The following PHLDB2 variants were observed in gnomAD, a reference collection of about 807,000 sequenced individuals.
PHLDB2 encodes the protein pleckstrin homology like domain family B member 2, also known as pleckstrin homology-like domain family B member 2.
A neutral mutation model predicts 123.6 loss-of-function variants in PHLDB2; 71 were observed. That is an observed-to-expected ratio of 0.57 (90% confidence interval 0.47 to 0.70). PHLDB2 has a LOEUF of 0.70. Among genes scored for constraint, PHLDB2 ranks in the 30% least tolerant of loss-of-function variants. PHLDB2 has a pLI of 0.00. For synonymous variants in PHLDB2, 547 were observed against 541.6 expected (o/e 1.01, Z -0.14); for missense variants, 1,446 against 1,519.5 (o/e 0.95, Z 0.80).
Position 111,815,914 on chromosome 3 carries a change from G to A in PHLDB2, c.-48-29907G>A, listed in dbSNP as rs932594501. Among the ~76,000 whole-genome samples the A allele has an allele frequency of 2.0e-5, 3 of 152,172 alleles. No individual in the cohort carries two copies. The South Asian group carries it at 6.2e-4, about 31-fold the overall frequency. ...TGGGTTGGGCCCAGGGTCCCATGCT[G>A]TATGCAGCCTAGGGACTTGGTGCCC... On this transcript the variant is annotated intron_variant, in intron 1 of 17. Coordinates refer to the PHLDB2 transcript ENST00000393923.
chr3:111,734,157 C>G (rs560126712), intron 1 of PHLDB2, among the ~76,000 whole-genome samples: 6 of 152,154 alleles, frequency 3.9e-5, no homozygotes, highest in African/African-American at 1.2e-4. Context: ...AAAACTGATA[C>G]GTTTCTGTGA....
chr3:111,962,179 T>C lies in PHLDB2; in HGVS notation c.2944T>C (p.Ser982Pro). Residue 982 changes from serine to proline, a missense_variant, in exon 13 of 18, where the codon TCA becomes CCA. Around this residue, in one of 3 missense-constraint regions of PHLDB2, gnomAD observed 594 missense variants for 646.0 expected, o/e 0.92. Transcript: ENST00000431670. The part of the protein sequence containing the change: ...SEFYNRTASE[S>P]NVYLNSFHYP... ...ATTTTATAACCGCACAGCATCTGAA[T>C]CAAATGTCTACTTGAATAGTTTCCA... 1 of 1,584,628 alleles carries C rather than the reference T, an allele frequency of 6.3e-7. No homozygotes were observed. The highest frequency in any genetic ancestry group is 1.2e-5 in the South Asian group (1 of 85,630).
intron 1 of PHLDB2, among the ~76,000 whole-genome samples, chr3:111,844,506 G>A (rs892293167): frequency 2.0e-5 from 3 of 152,078 alleles, no homozygotes; most frequent in Non-Finnish European, 4.4e-5. Flanking sequence ...GGCTTGATGC[G>A]TTGTACCTCT....
chr3:111,819,927 C>T (rs1006935247), intron 1 of PHLDB2, among the ~76,000 whole-genome samples: 6 of 152,112 alleles, frequency 3.9e-5, no homozygotes, highest in East Asian at 1.9e-4. Context: ...ATTTAGTAAC[C>T]GCATCTGGCA....
At chr3:111,830,132 C>T (rs1017460566) in intron 1 of PHLDB2, among the ~76,000 whole-genome samples, 3 of 152,124 alleles carry the variant, frequency 2.0e-5, no homozygotes, top group Non-Finnish European at 4.4e-5. Flanking sequence ...TGGAGCAGGC[C>T]TCCACTTTCT....
intron 1 of PHLDB2, among the ~76,000 whole-genome samples, chr3:111,759,822 C>G (rs1375069588): frequency 1.3e-5 from 2 of 152,190 alleles, no homozygotes; most frequent in African/African-American, 4.8e-5. Flanking sequence ...GAGTTTCTCT[C>G]TTTCCAAATT....
intron 13 of PHLDB2, among the ~76,000 whole-genome samples, chr3:111,966,183 C>T (rs183774908): frequency 1.8e-4 from 27 of 152,160 alleles, no homozygotes; most frequent in African/African-American, 4.8e-4. Flanking sequence ...TTATATAGAA[C>T]GTTGGTGATA....
At chr3:111,817,194 C>T (rs992610092) in intron 1 of PHLDB2, among the ~76,000 whole-genome samples, 2 of 152,078 alleles carry the variant, frequency 1.3e-5, no homozygotes, top group African/African-American at 4.8e-5. Flanking sequence ...AGAACAGCAC[C>T]GAGCTATTCA....
intron 2 of PHLDB2, among the ~76,000 whole-genome samples, chr3:111,897,364 G>T (rs2066934241): frequency 6.6e-6 from 1 of 152,102 alleles, no homozygotes; most frequent in Non-Finnish European, 1.5e-5. Context: ...AGAGTCTTCT[G>T]TTTTTTTCCC....
intron 1 of PHLDB2, among the ~76,000 whole-genome samples, chr3:111,797,348 G>GACAC (rs138506437): frequency 6.6e-6 from 1 of 151,836 alleles, no homozygotes; most frequent in African/African-American, 2.4e-5. Context: ...TATTTAGGCA[G>GACAC]ACACACACAC....
chr3:111,793,915 C>T (rs761776608), intron 1 of PHLDB2, among the ~76,000 whole-genome samples: 7 of 150,932 alleles, frequency 4.6e-5, no homozygotes, highest in Non-Finnish European at 8.8e-5. Context: ...CTTTAGTCTC[C>T]CCTATCCTTC....
chr3:111,760,442 T>C (rs66975684), intron 1 of PHLDB2, among the ~76,000 whole-genome samples: 28,864 of 152,180 alleles, frequency 0.19, 2,887 homozygotes, highest in African/African-American at 0.21. Context: ...CCATTTTCTG[T>C]CAAAGTCAAA....
intron 1 of PHLDB2, among the ~76,000 whole-genome samples, chr3:111,734,183 C>CA (rs1458708203): frequency 6.6e-6 from 1 of 152,146 alleles, no homozygotes; most frequent in East Asian, 1.9e-4. Context: ...TTAAGCACTG[C>CA]AAAATGTTAA....
rs2107333494 is a variant in PHLDB2, at chr3:111,884,757, A to G, written c.680A>G (p.Lys227Arg). 1.2e-6 allele frequency: 2 copies of G among 1,614,136 alleles called. No homozygotes were observed. Among genetic ancestry groups the G allele is most frequent in the Non-Finnish European group, 8.5e-7 (1 of 1,180,026 alleles). ...LALQPKLTRH[K>R]ELASENINLR... ...CTTCAACCCAAGTTAACTAGACACA[A>G]GGAGCTTGCATCTGAAAACATCAAT... is the stretch of plus-strand genomic sequence containing the variant. Residue 227 changes from lysine (K) to arginine (R), a missense_variant, in exon 2 of 18, where the codon AAG becomes AGG. This residue lies in a region of PHLDB2 where 832 missense variants were observed against 831.9 expected (regional missense o/e 1.00). Transcript: ENST00000431670.
chr3:111,963,835 T>C (rs2071578360), intron 13 of PHLDB2, among the ~76,000 whole-genome samples: 1 of 152,228 alleles, frequency 6.6e-6, no homozygotes, highest in Admixed American at 6.5e-5. Flanking sequence ...TCTACCAATG[T>C]TCAAAAAATT....
intron 1 of PHLDB2, among the ~76,000 whole-genome samples, chr3:111,842,042 AT>A (rs2063719632): frequency 6.6e-6 from 1 of 152,082 alleles, no homozygotes; most frequent in South Asian, 2.1e-4. Flanking sequence ...CAAGTTCTTT[AT>A]TTTTCTCAGC....
exon 2 of PHLDB2, chr3:111,845,925 G>T (rs773092803): frequency 4.3e-5 from 70 of 1,613,772 alleles, no homozygotes; most frequent in Non-Finnish European, 5.5e-5. Flanking sequence ...TTGGTGATGT[G>T]CAACATTTCG....
At chr3:111,944,228 C>T (rs753461925) in intron 8 of PHLDB2, among the ~76,000 whole-genome samples, 3 of 152,096 alleles carry the variant, frequency 2.0e-5, no homozygotes, top group Admixed American at 6.5e-5. Context: ...AATGCTTGCT[C>T]ATAAGGGTGG....
At chr3:111,840,085 C>G (rs998980314) in intron 1 of PHLDB2, among the ~76,000 whole-genome samples, 2 of 150,376 alleles carry the variant, frequency 1.3e-5, no homozygotes, top group Non-Finnish European at 3.0e-5. Context: ...CCATTTCTAA[C>G]AAATCAAAAT....
Sources: allele counts gnomAD v4.1 joint callset (sites outside exome capture counted in the v4.1 genomes callset), GRCh38; gene constraint gnomAD v4.1.1; regional missense constraint gnomAD v4.1.1; transcripts MANE v1.5; gene names NCBI Gene and HGNC (gene_info 2026-07-23, HGNC 2026-07-21).